WDCP: variants seen among roughly 807,000 people sequenced by gnomAD.
WDCP encodes WD repeat and coiled coil containing, also known as WD repeat and coiled-coil-containing protein.
Under a neutral mutation model 41.6 loss-of-function variants are expected in WDCP, and 19 were observed. The ratio of observed to expected loss-of-function variants is 0.46; its 90% confidence interval spans 0.32 to 0.67. The LOEUF (loss-of-function observed/expected upper bound fraction) is 0.67, where lower values mean the gene tolerates loss of function less well. Among genes scored for constraint, WDCP ranks in the 30% least tolerant of loss-of-function variants. The pLI is 0.04. For synonymous variants in WDCP, 302 were observed against 320.8 expected (o/e 0.94, Z 0.63); for missense variants, 802 against 850.7 (o/e 0.94, Z 0.71).
At chr2:24,041,066 C>T (rs991993813) in intron 1 of WDCP, among the ~76,000 whole-genome samples, 8 of 150,778 alleles carry the variant, frequency 5.3e-5, no homozygotes, top group African/African-American at 1.5e-4. Context: ...AGGCTGGGCA[C>T]GGTGGCTCAT....
In WDCP at chr2:24,037,778, G is replaced by A. The variant is rs138431832; in HGVS notation, c.1717C>T (p.Arg573Trp). ...CGGTTTGTAAGTTCAGAAAGACACC[G>A]TTGCATTTCAACCAGGTTCCTAGAT... ...ILSRNLVEMQ[R>W]CLSELTNRLH... Residue 573 changes from arginine to tryptophan, a missense_variant, in exon 2 of 4, where the codon CGG (arginine) becomes TGG (tryptophan). Coordinates refer to ENST00000295148, the MANE Select transcript of WDCP (RefSeq NM_025203.3). 91 of 1,614,252 alleles carry A rather than the reference G, an allele frequency of 5.6e-5. No homozygotes were observed. In the Admixed American group the frequency reaches 1.1e-3, roughly 19 times the overall value.
intron 1 of WDCP, among the ~76,000 whole-genome samples, chr2:24,044,476 A>G: frequency 6.6e-6 from 1 of 152,156 alleles, no homozygotes; most frequent in South Asian, 2.1e-4. Context: ...CATGTTGGCC[A>G]GGCTGGTCTT....
At position 24,038,709 on chromosome 2, in the gene WDCP, TTTATC is replaced by T; in HGVS notation, c.781_785del (p.Asp261ArgfsTer4). On this transcript the variant is annotated frameshift_variant, in exon 2 of 4. Transcript: ENST00000295148. LOFTEE classifies it high-confidence loss of function. Reference sequence around the variant, plus strand: ...AATTTGTTTCAGAATCAGTTGCCTCTTTATCCATAGAGCGTACTTCACCAATAACT... The same window carrying T: ...AATTTGTTTCAGAATCAGTTGCCTCTCATAGAGCGTACTTCACCAATAACT... The T allele has an allele frequency of 6.2e-7, 1 of 1,614,224 alleles. No individual in the cohort carries two copies. Among genetic ancestry groups the T allele is most frequent in the African/African-American group, 1.3e-5 (1 of 75,066 alleles).
intron 1 of WDCP, among the ~76,000 whole-genome samples, chr2:24,041,639 G>C (rs1013356974): frequency 5.0e-4 from 76 of 151,994 alleles, no homozygotes; most frequent in African/African-American, 1.8e-3. Context: ...GATTACCTGA[G>C]GTCAGGAGTT....
chr2:24,032,427 G>A (rs768144304), intron 3 of WDCP, among the ~76,000 whole-genome samples: 4 of 152,100 alleles, frequency 2.6e-5, no homozygotes, highest in African/African-American at 9.7e-5. Context: ...GCTTGAACCC[G>A]GGAGGCGGAG....
At position 24,039,450 on chromosome 2, in the gene WDCP, C is replaced by A; in HGVS notation, c.45G>T (p.Ala15=). The A allele has an allele frequency of 6.2e-7, 1 of 1,614,172 alleles. No individual in the cohort carries two copies. Among genetic ancestry groups the A allele is most frequent in the Non-Finnish European group, 8.5e-7 (1 of 1,179,986 alleles). ...GGATCGGATGCACTGCTTGATGCAA[C>A]GCATTCAGTCCAGTCCTGAGTAGTT... The part of the protein sequence containing the change: ...KGKLLRTGLN[A]LHQAVHPIHG... Residue 15 remains alanine, a synonymous_variant, in exon 2 of 4, where the codon GCG becomes GCT. Transcript: ENST00000295148.
rs1259294094 is a variant in WDCP, at chr2:24,038,756, T to A, written c.739A>T (p.Thr247Ser). 3 of 1,614,106 alleles carry A rather than the reference T, an allele frequency of 1.9e-6. No individual in the cohort carries two copies. The Admixed American group carries it at 5.0e-5, about 27-fold the overall frequency. ...CCAATAACTGGTAAAGCATACGGAGTCATGTCTTTACTGTTAGGTGGGATA... is the reference window on the plus strand; with the variant it reads ...CCAATAACTGGTAAAGCATACGGAGACATGTCTTTACTGTTAGGTGGGATA... ...FNIPPNSKDM[T>S]PYALPVIGEV... The change falls in exon 2 of 4, where the codon ACT becomes TCT. Residue 247 changes from threonine (T) to serine (S), a missense_variant. By Grantham distance (58) the Thr-to-Ser change is moderately conservative. Coordinates refer to ENST00000295148, the MANE Select transcript of WDCP (RefSeq NM_025203.3).
chr2:24,042,515 G>A (rs1308382378), intron 1 of WDCP, among the ~76,000 whole-genome samples: 3 of 126,654 alleles, frequency 2.4e-5, no homozygotes, highest in Admixed American at 9.0e-5. Context: ...CAGCCTGGGT[G>A]ACAGAGCAAT....
chr2:24,038,784 A>G lies in WDCP; in HGVS notation c.711T>C (p.Phe237=). 6.2e-7 allele frequency: 1 copy of G among 1,614,202 alleles called. No individual in the cohort carries two copies. Among genetic ancestry groups the G allele is most frequent in the Non-Finnish European group, 8.5e-7 (1 of 1,180,028 alleles). ...KICGLNASET[F]NIPPNSKDMT... ...TGTCTTTACTGTTAGGTGGGATATT[A>G]AAGGTTTCAGATGCATTTAAGCCAC... The change falls in exon 2 of 4, where the codon TTT becomes TTC. Residue 237 remains phenylalanine (F), a synonymous_variant. Coordinates refer to ENST00000295148, the MANE Select transcript of WDCP (RefSeq NM_025203.3).
At position 24,038,594 on chromosome 2, in the gene WDCP, T is replaced by A; in HGVS notation, c.901A>T (p.Ile301Phe). Residue 301 changes from isoleucine (I) to phenylalanine (F), a missense_variant, in exon 2 of 4, where the codon ATT becomes TTT. Ile to Phe is a conservative substitution (Grantham distance 21). Coordinates refer to ENST00000295148, the MANE Select transcript of WDCP (RefSeq NM_025203.3). ...AAGTAGTCCTTTTTTCTTAGACAAATAAGAGAATTACCCTCAGACTTATGT... is the reference window on the plus strand; with the variant it reads ...AAGTAGTCCTTTTTTCTTAGACAAAAAAGAGAATTACCCTCAGACTTATGT... ...NQHKSEGNSL[I>F]CLRKKDYLTG... 1 of 1,613,996 alleles carries A rather than the reference T, an allele frequency of 6.2e-7. No homozygotes were observed. Among genetic ancestry groups the A allele is most frequent in the East Asian group, 2.2e-5 (1 of 44,872 alleles).
rs1558335307 is a variant in WDCP at position 24,039,192 on chromosome 2, C to CA, written c.302dup (p.Thr102AspfsTer6). ...CTCTAATCTCACAAGTCTGAGACGT[C>CA]AGCCATTTGCTTGACTCCATAGGGC... On this transcript the variant is annotated frameshift_variant, in exon 2 of 4. Transcript: ENST00000295148. LOFTEE classifies it high-confidence loss of function. 6.2e-7 allele frequency: 1 copy of CA among 1,614,240 alleles called. No homozygotes were observed. Among genetic ancestry groups the CA allele is most frequent in the Non-Finnish European group, 8.5e-7 (1 of 1,180,030 alleles).
Position 24,047,371 on chromosome 2 carries a change from C to T in WDCP, c.-76G>A, listed in dbSNP as rs1336768121. 2 of 152,230 alleles carry T rather than the reference C, an allele frequency of 1.3e-5. No homozygotes were observed. The highest frequency in any genetic ancestry group is 6.5e-5 in the Admixed American group (1 of 15,268). 9.4% of individuals were successfully genotyped at this position (152,230 alleles called of 1,614,324 possible). On this transcript the variant is annotated 5_prime_UTR_variant, in exon 1 of 4. Transcript: ENST00000295148. ...CTCTCTGTGGCCGCCCAACATCACG[C>T]CGCCGCACATAAGAAGTTCTGGGCA...
intron 2 of WDCP, 31 bp from the exon 3 acceptor site, chr2:24,032,977 G>C: frequency 7.6e-7 from 1 of 1,319,132 alleles, no homozygotes; most frequent in Non-Finnish European, 1.1e-6. Context: ...TTGTTAAACT[G>C]ATTGCAGAAG....
At chr2:24,043,427 C>T (rs555609831) in intron 1 of WDCP, among the ~76,000 whole-genome samples, 1 of 152,248 alleles carries the variant, frequency 6.6e-6, no homozygotes, top group African/African-American at 2.4e-5. Context: ...AGAAGGATCA[C>T]TTGAGCCCTG....
chr2:24,036,065 AAAATAAAT>A lies in WDCP; in HGVS notation c.1818+1604_1818+1611del, dbSNP rs546096434. On this transcript the variant is annotated intron_variant, in intron 2 of 3. Coordinates refer to ENST00000295148, the MANE Select transcript of WDCP (RefSeq NM_025203.3). ...GCCTGGTGACAGAGACTCCGTCTCAAAAATAAATAAATAAATAAATAAATAAATAAATA... is the reference window on the plus strand; with the variant it reads ...GCCTGGTGACAGAGACTCCGTCTCAAAAATAAATAAATAAATAAATAAATA... Among the ~76,000 whole-genome samples, 140 of 140,404 alleles carry A rather than the reference AAAATAAAT, an allele frequency of 1.0e-3. 1 individual carries two copies. The highest frequency in any genetic ancestry group is 2.1e-3 in the African/African-American group (76 of 37,016). 92.1% of individuals were successfully genotyped at this position (140,404 alleles called of 152,430 possible).
At chr2:24,039,602 T>G in intron 1 of WDCP, 90 bp from the exon 2 acceptor site, 1 of 1,166,646 alleles carries the variant, frequency 8.6e-7, no homozygotes, top group Non-Finnish European at 1.2e-6. Flanking sequence ...CTTAGCCCCT[T>G]CCCAGGTTAA....
At chr2:24,031,202 T>G in intron 3 of WDCP, 40 bp from the exon 4 acceptor site, 1 of 1,467,352 alleles carries the variant, frequency 6.8e-7, no homozygotes, top group Non-Finnish European at 9.4e-7. Context: ...TTAGTATATA[T>G]TATTCTTATG....
intron 3 of WDCP, 152 bp from the exon 4 acceptor site, chr2:24,031,314 G>A: frequency 3.2e-6 from 2 of 619,430 alleles, no homozygotes; most frequent in Non-Finnish European, 5.7e-6. Context: ...ATGGGGTATT[G>A]GGAAGACTGG....
At chr2:24,041,356 C>A (rs1663425820) in intron 1 of WDCP, among the ~76,000 whole-genome samples, 1 of 145,272 alleles carries the variant, frequency 6.9e-6, no homozygotes, top group Non-Finnish European at 1.5e-5. Flanking sequence ...AAAAAAAAAA[C>A]TGTTCCCTCC....
Sources: allele counts gnomAD v4.1 joint callset (sites outside exome capture counted in the v4.1 genomes callset), GRCh38; gene constraint gnomAD v4.1.1; transcripts MANE v1.5; gene names NCBI Gene and HGNC (gene_info 2026-07-23, HGNC 2026-07-21).